Variants in HUWE1 observed in about 807,000 individuals in gnomAD.
HUWE1 encodes HECT, UBA and WWE domain containing E3 ubiquitin protein ligase 1.
In HUWE1, 18 loss-of-function variants were observed where a neutral mutation model predicts 299.4. The ratio of observed to expected loss-of-function variants is 0.06; its 90% CI spans 0.04 to 0.09. HUWE1 has a LOEUF of 0.09. Among genes scored for constraint, HUWE1 ranks in the 10% least tolerant of loss-of-function variants. The pLI is 1.00. For synonymous variants in HUWE1, 1,317 were observed against 1,286.1 expected (o/e 1.02, Z -0.51); for missense variants, 1,832 against 3,462.3 (o/e 0.53, Z 11.82).
intron 7 of HUWE1, among the ~76,000 whole-genome samples, chrX:53,638,705 G>T (rs868967809): frequency 8.9e-6 from 1 of 112,224 alleles, no homozygotes; most frequent in Non-Finnish European, 1.9e-5. Context: ...TAATGAATCA[G>T]CAACTCAGGA....
At chrX:53,550,539 A>G in intron 66 of HUWE1, 127 bp downstream of exon 66, 1 of 604,696 alleles carries the variant, frequency 1.7e-6, no homozygotes. Context: ...CACTTATTCA[A>G]GGAAATGGCT....
intron 33 of HUWE1, 123 bp from the exon 34 acceptor site, chrX:53,591,245 T>G: frequency 1.3e-6 from 1 of 765,694 alleles, no homozygotes; most frequent in Non-Finnish European, 1.9e-6. Context: ...AGAGCATTTA[T>G]GAGCTAGGGC....
chrX:53,614,806 G>T, intron 22 of HUWE1, 61 bp from the exon 23 acceptor site: 1 of 808,293 alleles, frequency 1.2e-6, no homozygotes. Flanking sequence ...GGAGGAGACA[G>T]CTAACATATT....
rs1556970060 is a variant in HUWE1 at position 53,583,584 on chromosome X, A to C, written c.5494T>G (p.Cys1832Gly). 2 of 1,205,269 alleles carry C rather than the reference A, an allele frequency of 1.7e-6. No individual in the cohort carries two copies. The highest frequency in any genetic ancestry group is 2.2e-6 in the Non-Finnish European group (2 of 889,399). Residue 1832 changes from cysteine to glycine, a missense_variant, in exon 42 of 84, where the codon TGT (cysteine) becomes GGT (glycine). Coordinates refer to ENST00000262854, the MANE Select transcript of HUWE1 (RefSeq NM_031407.7). The stretch of plus-strand genomic sequence containing the variant: ...TTTTCCATGGTATGACGAAGGGTAC[A>C]GGGGTCCTCAATGATGTGTCTTAAG... ...LLLRHIIEDPCTLRHTMEKVV... is the reference protein window; with the variant it reads ...LLLRHIIEDPGTLRHTMEKVV...
At chrX:53,569,093 G>A (rs782661018) in intron 48 of HUWE1, among the ~76,000 whole-genome samples, 5 of 111,724 alleles carry the variant, frequency 4.5e-5, no homozygotes, top group East Asian at 2.8e-4. Context: ...GTACAGTGGC[G>A]CAATCTTGGC....
At chrX:53,617,519 TA>T (rs200846981) in intron 19 of HUWE1, 73 bp from the exon 20 acceptor site, 190 of 600,154 alleles carry the variant, frequency 3.2e-4, no homozygotes, top group Middle Eastern at 4.9e-4. Flanking sequence ...ACCAAAAGCT[TA>T]AAAAAAAATA....
chrX:53,604,288 C>G (rs1365378386), intron 26 of HUWE1, among the ~76,000 whole-genome samples: 1 of 111,625 alleles, frequency 9.0e-6, no homozygotes, highest in Non-Finnish European at 1.9e-5. Context: ...CTATGCCATC[C>G]CATTATCAGA....
At chrX:53,595,154 T>C in intron 30 of HUWE1, 33 bp downstream of exon 30, 2 of 1,112,471 alleles carry the variant, frequency 1.8e-6, no homozygotes, top group Non-Finnish European at 2.5e-6. Flanking sequence ...TTATTGTAAC[T>C]TTCTAGTCCC....
At chrX:53,640,832 T>C (rs1557030383) in intron 7 of HUWE1, among the ~76,000 whole-genome samples, 3 of 112,441 alleles carry the variant, frequency 2.7e-5, no homozygotes, top group East Asian at 2.8e-4. Flanking sequence ...ACTTTATATA[T>C]GTGAGCCACT....
In HUWE1 at chrX:53,547,965, G is replaced by T; in HGVS notation, c.10344C>A (p.Leu3448=). The change falls in exon 68 of 84, where the codon CTC becomes CTA. Residue 3448 remains leucine, a synonymous_variant. Transcript: ENST00000262854. Reference sequence around the variant, plus strand: ...GGAGTCTGAGGAGTTTCTCAGTTAAGAGAGAGCTCCGGCGGATGACTGGGT... The same window carrying T: ...GGAGTCTGAGGAGTTTCTCAGTTAATAGAGAGCTCCGGCGGATGACTGGGT... ...LSHPVIRRSS[L]LTEKLLRLLS... is the part of the protein sequence containing the mutation. 3 of 1,211,327 alleles carry T rather than the reference G, an allele frequency of 2.5e-6. No individual in the cohort carries two copies. The highest frequency in any genetic ancestry group is 3.5e-5 in the African/African-American group (2 of 57,784).
intron 70 of HUWE1, among the ~76,000 whole-genome samples, chrX:53,545,467 A>C (rs1438139090): frequency 9.0e-6 from 1 of 111,422 alleles, no homozygotes; most frequent in Non-Finnish European, 1.9e-5. Context: ...TATCTCTCAA[A>C]ATTACTGAGG....
At chrX:53,566,194 C>A (rs1172798905) in intron 49 of HUWE1, among the ~76,000 whole-genome samples, 1 of 97,053 alleles carries the variant, frequency 1.0e-5, no homozygotes, top group Non-Finnish European at 2.0e-5. Context: ...ATGGCAGTCT[C>A]TGATATCACA....
chrX:53,573,112 T>C (rs1460093644), intron 47 of HUWE1, among the ~76,000 whole-genome samples: 1 of 111,791 alleles, frequency 8.9e-6, no homozygotes, highest in Non-Finnish European at 1.9e-5. Flanking sequence ...CTCTATCAGA[T>C]TCCTAACTGT....
chrX:53,534,449 T>C, intron 82 of HUWE1, 67 bp downstream of exon 82: 2 of 985,600 alleles, frequency 2.0e-6, no homozygotes, highest in Non-Finnish European at 2.8e-6. Context: ...GTTTATTTGG[T>C]ATCACACAAA....
Position 53,591,690 on chromosome X carries a change from C to T in HUWE1, c.3973-568G>A, listed in dbSNP as rs189672545. Among the ~76,000 whole-genome samples the T allele has an allele frequency of 8.7e-3, 976 of 112,247 alleles. 11 individuals are homozygous for T. The highest frequency in any genetic ancestry group is 0.022 in the African/African-American group (689 of 30,929). ...TATATGTATTATTTGATGTTAACGA[C>T]GTAAAAATTAGGCACAAGACTGACT... On this transcript the variant is annotated intron_variant, in intron 33 of 83. Coordinates refer to ENST00000262854, the MANE Select transcript of HUWE1 (RefSeq NM_031407.7).
intron 62 of HUWE1, 58 bp from the exon 63 acceptor site, chrX:53,552,499 C>G (rs1488572762): frequency 1.7e-6 from 2 of 1,201,250 alleles, no homozygotes; most frequent in Non-Finnish European, 2.3e-6. Context: ...TTATAAAACA[C>G]TGCTACAATA....
At position 53,561,773 on chromosome X, in the gene HUWE1, T is replaced by C. The variant is rs1556941331; in HGVS notation, c.7490A>G (p.Asn2497Ser). ...REDDLIIEFD[N>S]MFSSATDIPP... is the part of the protein sequence containing the mutation. ...TATCTTACTAGCACTGGAGAACATG[T>C]TGTCAAACTCAATGATGAGATCATC... Residue 2497 changes from asparagine to serine, a missense_variant, in exon 55 of 84, where the codon AAC becomes AGC. Around this residue, in one of 15 missense-constraint regions of HUWE1, gnomAD observed 170 missense variants for 335.8 expected, o/e 0.51. Transcript: ENST00000262854. 8.3e-7 allele frequency: 1 copy of C among 1,210,684 alleles called. No individual in the cohort carries two copies. Among genetic ancestry groups the C allele is most frequent in the South Asian group, 1.8e-5 (1 of 56,920 alleles).
chrX:53,653,339 C>T (rs782797530), intron 4 of HUWE1, among the ~76,000 whole-genome samples: 59 of 111,811 alleles, frequency 5.3e-4, no homozygotes, highest in African/African-American at 1.9e-3. Context: ...TTTTCAGCCC[C>T]ATTTTGCAGC....
intron 75 of HUWE1, 93 bp downstream of exon 75, chrX:53,539,564 A>T (rs782216096): frequency 1.2e-6 from 1 of 849,630 alleles, no homozygotes; most frequent in South Asian, 2.1e-5. Context: ...ACTGAGGGAG[A>T]GGAGTAACCT....
Sources: allele counts gnomAD v4.1 joint callset (sites outside exome capture counted in the v4.1 genomes callset), GRCh38; gene constraint gnomAD v4.1.1; regional missense constraint gnomAD v4.1.1; transcripts MANE v1.5; gene names NCBI Gene and HGNC (gene_info 2026-07-23, HGNC 2026-07-21).